Variants in NHS observed in about 807,000 individuals in gnomAD.
The protein encoded by NHS is actin remodeling regulator NHS.
A neutral mutation model predicts 72.5 loss-of-function variants in NHS; 5 were observed. The observed-to-expected ratio is 0.07, with a 90% CI of 0.04 to 0.14. The LOEUF (loss-of-function observed/expected upper bound fraction) is 0.14, where lower values mean the gene tolerates loss of function less well. Ranked by LOEUF, NHS falls within the 10% of genes least tolerant of loss-of-function variation. The probability of loss-of-function intolerance (pLI) is 1.00; values close to 1 mark genes in which losing one functional copy is unlikely to be tolerated. For missense variants in NHS, 1,072 were observed against 1,355.7 expected (o/e 0.79, Z 3.29); for synonymous variants, 464 against 547.7 (o/e 0.85, Z 2.13).
At position 17,571,980 on chromosome X, in the gene NHS, G is replaced by A. The variant is rs184288534; in HGVS notation, c.566-115762G>A. 5.3e-3 allele frequency among the ~76,000 whole-genome samples: 601 copies of A among 112,347 alleles called. 5 individuals are homozygous for A. Among genetic ancestry groups the A allele is most frequent in the African/African-American group, 0.019 (582 of 30,910 alleles). Reference sequence around the variant, plus strand: ...TTTCCATGTAGTTGTGTAGTTTTGAGTGAGTTTCTTAATCCTGAGTTCTAG... The same window carrying A: ...TTTCCATGTAGTTGTGTAGTTTTGAATGAGTTTCTTAATCCTGAGTTCTAG... On this transcript the variant is annotated intron_variant, in intron 1 of 8. Transcript: ENST00000676302.
intron 1 of NHS, among the ~76,000 whole-genome samples, chrX:17,496,675 C>T (rs2065014025): frequency 9.0e-6 from 1 of 111,381 alleles, no homozygotes; most frequent in African/African-American, 3.3e-5. Flanking sequence ...ATACACCACC[C>T]GTTCTTCTTC....
At chrX:17,533,257 G>A (rs931003831) in intron 1 of NHS, among the ~76,000 whole-genome samples, 6 of 111,474 alleles carry the variant, frequency 5.4e-5, no homozygotes, top group African/African-American at 2.0e-4. Context: ...CAGATTTTTC[G>A]GCAACCTTTT....
At chrX:17,507,865 G>A (rs1022955870) in intron 1 of NHS, among the ~76,000 whole-genome samples, 2 of 111,582 alleles carry the variant, frequency 1.8e-5, no homozygotes, top group African/African-American at 6.5e-5. Context: ...TGGCTTTGGT[G>A]TTTCACCTTC....
chrX:17,375,417 C>CG lies in NHS; in HGVS notation c.-337dup. On this transcript the variant is annotated 5_prime_UTR_variant, in exon 1 of 9. Coordinates refer to ENST00000676302, the MANE Select transcript of NHS (RefSeq NM_001291867.2). Reference sequence around the variant, plus strand: ...TATAGGCGGCGGCGACGGCAGTGGCCGGGGTGGCGACGGCGAGCACAGAAA... The same window carrying CG: ...TATAGGCGGCGGCGACGGCAGTGGCCGGGGGTGGCGACGGCGAGCACAGAAA... 2 of 390,058 alleles carry CG rather than the reference C, an allele frequency of 5.1e-6. No individual in the cohort carries two copies. The highest frequency in any genetic ancestry group is 4.4e-6 in the Non-Finnish European group (1 of 227,304). The allele number at this position is 390,058 out of a possible 1,213,427, so 32.1% of individuals were successfully genotyped here.
At chrX:17,396,881 A>G (rs2064477726) in intron 1 of NHS, among the ~76,000 whole-genome samples, 1 of 111,834 alleles carries the variant, frequency 8.9e-6, no homozygotes, top group Admixed American at 9.5e-5. Context: ...TACCCCAGCA[A>G]TGTTGCATCA....
intron 1 of NHS, among the ~76,000 whole-genome samples, chrX:17,652,237 G>T (rs1046960220): frequency 8.9e-6 from 1 of 112,419 alleles, no homozygotes; most frequent in African/African-American, 3.2e-5. Context: ...TGTGAGACCT[G>T]GTATCCTTGG....
At chrX:17,499,564 G>A (rs1439811556) in intron 1 of NHS, among the ~76,000 whole-genome samples, 1 of 110,522 alleles carries the variant, frequency 9.0e-6, no homozygotes, top group East Asian at 2.8e-4. Context: ...ACCCGACACA[G>A]GGATTCTAGT....
At chrX:17,449,759 C>G (rs188392027) in intron 1 of NHS, among the ~76,000 whole-genome samples, 12 of 111,705 alleles carry the variant, frequency 1.1e-4, no homozygotes, top group African/African-American at 3.9e-4. Flanking sequence ...TCTGTAAGAA[C>G]CAGAAGTGAT....
chrX:17,481,935 A>G (rs912708106), intron 1 of NHS, among the ~76,000 whole-genome samples: 1 of 112,135 alleles, frequency 8.9e-6, no homozygotes, highest in African/African-American at 3.2e-5. Flanking sequence ...ATCAAAATGC[A>G]CTTTTGATAT....
chrX:17,679,859 A>AG (rs138011299), intron 1 of NHS, among the ~76,000 whole-genome samples: 4,144 of 78,364 alleles, frequency 0.053, 157 homozygotes, highest in African/African-American at 0.082. Context: ...GAATGAAGAA[A>AG]GGGGGGGGGG....
Position 17,527,684 on chromosome X carries a change from G to A in NHS, c.565+151362G>A, listed in dbSNP as rs758948304. Among the ~76,000 whole-genome samples, 7 of 112,303 alleles carry A rather than the reference G, an allele frequency of 6.2e-5. No individual in the cohort carries two copies. The South Asian group carries it at 2.6e-3, about 41-fold the overall frequency. On this transcript the variant is annotated intron_variant, in intron 1 of 8. Transcript: ENST00000676302. ...TGCTTTAATCACTTCAGGCTCCTAC[G>A]TGTTGACAGGAAGTTTTGTTAGTAT... is the stretch of plus-strand genomic sequence containing the variant.
chrX:17,425,616 A>G (rs191653747), intron 1 of NHS, among the ~76,000 whole-genome samples: 2 of 99,763 alleles, frequency 2.0e-5, no homozygotes, highest in East Asian at 3.3e-4. Context: ...ATTCAGTTTT[A>G]CATGTTTTCC....
At position 17,393,672 on chromosome X, in the gene NHS, C is replaced by T. The variant is rs139063026; in HGVS notation, c.565+17350C>T. 4.7e-4 allele frequency among the ~76,000 whole-genome samples: 53 copies of T among 111,740 alleles called. No individual in the cohort carries two copies. In the South Asian group the frequency reaches 7.2e-3, roughly 15 times the overall value. On this transcript the variant is annotated intron_variant, in intron 1 of 8. Transcript: ENST00000676302. ...TTGGTTGGATTAGCCTTAGAGTTAT[C>T]GGGAGTTGCCTTCTGTAAGTGCCCC...
At chrX:17,381,269 T>G (rs1033921923) in intron 1 of NHS, among the ~76,000 whole-genome samples, 6 of 112,057 alleles carry the variant, frequency 5.4e-5, no homozygotes, top group Non-Finnish European at 7.5e-5. Context: ...GTTGATTTAT[T>G]TAGTTACTGA....
At chrX:17,633,667 A>G (rs1333444393) in intron 1 of NHS, among the ~76,000 whole-genome samples, 1 of 112,305 alleles carries the variant, frequency 8.9e-6, no homozygotes, top group Non-Finnish European at 1.9e-5. Context: ...AACAAAAGCT[A>G]ATTCACTGTG....
At chrX:17,504,515 T>C (rs898778605) in intron 1 of NHS, among the ~76,000 whole-genome samples, 2 of 112,503 alleles carry the variant, frequency 1.8e-5, no homozygotes, top group East Asian at 5.6e-4. Context: ...TGGTCAAACG[T>C]TGACTTTCTC....
intron 1 of NHS, among the ~76,000 whole-genome samples, chrX:17,673,177 AACACACACACACACACACACACACACAC>A (rs56271300): frequency 4.9e-4 from 32 of 65,521 alleles, no homozygotes; most frequent in Non-Finnish European, 7.3e-4. Context: ...TGGAAGATGA[AACACACACACACACACACACACACACAC>A]ACACACACAC....
intron 1 of NHS, among the ~76,000 whole-genome samples, chrX:17,543,350 C>T (rs922544308): frequency 1.8e-5 from 2 of 112,341 alleles, no homozygotes; most frequent in African/African-American, 6.5e-5. Context: ...AGAATGAATG[C>T]TTAACATTGT....
intron 1 of NHS, among the ~76,000 whole-genome samples, chrX:17,667,678 T>C (rs146157316): frequency 0.024 from 2,657 of 111,287 alleles, 70 homozygotes; most frequent in African/African-American, 0.077. Flanking sequence ...GCATCACAGA[T>C]GATGAAGGCC....
Sources: gnomAD v4.1 joint callset for allele counts (sites outside exome capture counted in the v4.1 genomes callset) on GRCh38, gnomAD v4.1.1 for gene constraint, MANE v1.5 for transcripts, NCBI Gene and HGNC (gene_info 2026-07-23, HGNC 2026-07-21) for gene names.